The following FRMD5 variants were observed in gnomAD, a reference collection of about 807,000 sequenced individuals.
FRMD5 encodes FERM domain containing 5, also known as FERM domain-containing protein 5.
In FRMD5, 20 loss-of-function variants were observed where a neutral mutation model predicts 69.0. The observed-to-expected ratio is 0.29, with a 90% CI of 0.20 to 0.42. FRMD5 has a LOEUF of 0.42. FRMD5 is among the 10% of genes least tolerant of loss of function. FRMD5 has a pLI of 1.00. For missense variants in FRMD5, 595 were observed against 708.6 expected (o/e 0.84, Z 1.82); for synonymous variants, 271 against 260.1 (o/e 1.04, Z -0.40).
At chr15:44,056,616 G>C (rs1486688080) in intron 1 of FRMD5, among the ~76,000 whole-genome samples, 1 of 152,050 alleles carries the variant, frequency 6.6e-6, no homozygotes, top group Non-Finnish European at 1.5e-5. Flanking sequence ...AGCCATAGCA[G>C]TGTGAAAAAA....
chr15:44,085,323 C>T (rs1894153045), intron 1 of FRMD5, among the ~76,000 whole-genome samples: 2 of 152,102 alleles, frequency 1.3e-5, no homozygotes, highest in Non-Finnish European at 2.9e-5. Context: ...ATAAAAAAGA[C>T]TTATTTCTGT....
intron 1 of FRMD5, among the ~76,000 whole-genome samples, chr15:43,994,763 T>C (rs1343021954): frequency 6.6e-6 from 1 of 152,246 alleles, no homozygotes; most frequent in East Asian, 1.9e-4. Flanking sequence ...TGCCTAACCT[T>C]CATGCTAAAG....
Position 43,871,002 on chromosome 15 carries a change from A to T in FRMD5, c.*2883T>A, listed in dbSNP as rs2088147279. On this transcript the variant is annotated 3_prime_UTR_variant, in exon 14 of 14. Transcript: ENST00000417257. ...ATGCAGTATGCTATTCTTTAGTAAGAGTTTTATTTCCTGATAGATGAAGCT... is the reference window on the plus strand; with the variant it reads ...ATGCAGTATGCTATTCTTTAGTAAGTGTTTTATTTCCTGATAGATGAAGCT... The T allele has an allele frequency of 6.6e-6, 1 of 152,136 alleles. No individual in the cohort carries two copies. Among genetic ancestry groups the T allele is most frequent in the Non-Finnish European group, 1.5e-5 (1 of 68,030 alleles). 9.4% of individuals were successfully genotyped at this position (152,136 alleles called of 1,614,324 possible). A position where few individuals can be genotyped will look rare whatever the true frequency, so the allele number is the denominator to read the frequency against.
intron 1 of FRMD5, among the ~76,000 whole-genome samples, chr15:44,156,522 A>T (rs1374291932): frequency 6.6e-6 from 1 of 152,208 alleles, no homozygotes; most frequent in East Asian, 1.9e-4. Flanking sequence ...ATTTTTTAGT[A>T]GCTTTTAGTA....
chr15:44,102,147 G>C (rs998538490), intron 1 of FRMD5, among the ~76,000 whole-genome samples: 1 of 152,204 alleles, frequency 6.6e-6, no homozygotes, highest in African/African-American at 2.4e-5. Flanking sequence ...ACCAGATGCA[G>C]TTGATCATGC....
chr15:44,108,384 C>T (rs1268531847), intron 1 of FRMD5, among the ~76,000 whole-genome samples: 3 of 152,172 alleles, frequency 2.0e-5, no homozygotes, highest in Non-Finnish European at 4.4e-5. Context: ...GTGGCTCATG[C>T]CTGTAATCCC....
intron 1 of FRMD5, among the ~76,000 whole-genome samples, chr15:44,109,498 C>A (rs1243524971): frequency 6.6e-6 from 1 of 151,348 alleles, no homozygotes; most frequent in Non-Finnish European, 1.5e-5. Context: ...TTTTTAAGAG[C>A]AATTTGGGGT....
chr15:44,123,254 AG>A (rs2076980344), intron 1 of FRMD5, among the ~76,000 whole-genome samples: 1 of 151,884 alleles, frequency 6.6e-6, no homozygotes, highest in African/African-American at 2.4e-5. Flanking sequence ...CTGAGACAGG[AG>A]AATCACTTGA....
At chr15:43,904,130 G>T (rs1024761694) in intron 6 of FRMD5, among the ~76,000 whole-genome samples, 3 of 152,174 alleles carry the variant, frequency 2.0e-5, no homozygotes, top group Non-Finnish European at 2.9e-5. Context: ...GGGCAGAGGG[G>T]TCTGTTTACA....
chr15:43,884,787 A>C lies in FRMD5; in HGVS notation c.968T>G (p.Val323Gly). 1 of 1,613,986 alleles carries C rather than the reference A, an allele frequency of 6.2e-7. No homozygotes were observed. Among genetic ancestry groups the C allele is most frequent in the Admixed American group, 1.7e-5 (1 of 60,006 alleles). ...KGSRFRYSGRVAKEVMESSAK... is the reference protein window; with the variant it reads ...KGSRFRYSGRGAKEVMESSAK... ...ACTTGATTCCATGACTTCCTTTGCA[A>C]CTCGGCCACTGTAAGTAGTGTAATA... Residue 323 changes from valine to glycine, a missense_variant, in exon 12 of 14, where the codon GTT (valine) becomes GGT (glycine). Around this residue, in one of 5 missense-constraint regions of FRMD5, gnomAD observed 176 missense variants for 266.3 expected, o/e 0.66. Coordinates refer to ENST00000417257, the MANE Select transcript of FRMD5 (RefSeq NM_032892.5).
intron 1 of FRMD5, among the ~76,000 whole-genome samples, chr15:43,963,227 C>T (rs1229877860): frequency 2.6e-5 from 4 of 152,044 alleles, no homozygotes; most frequent in Admixed American, 2.0e-4. Context: ...ACAAACAACC[C>T]CATCAAAAAG....
In FRMD5 at chr15:43,871,937, G is replaced by A. The variant is rs983611071; in HGVS notation, c.*1948C>T. On this transcript the variant is annotated 3_prime_UTR_variant, in exon 14 of 14. Transcript: ENST00000417257. ...AAACAGAGCTGACTGACCCTCTTCTGCTAACATACTGGTAAGGATCAGTTT... is the reference window on the plus strand; with the variant it reads ...AAACAGAGCTGACTGACCCTCTTCTACTAACATACTGGTAAGGATCAGTTT... 5 of 152,320 alleles carry A rather than the reference G, an allele frequency of 3.3e-5. No individual in the cohort carries two copies. Among genetic ancestry groups the A allele is most frequent in the African/African-American group, 1.2e-4 (5 of 41,572 alleles). 9.4% of individuals were successfully genotyped at this position (152,320 alleles called of 1,614,324 possible). A position where few individuals can be genotyped will look rare whatever the true frequency, so the allele number is the denominator to read the frequency against.
chr15:43,913,033 CAAAA>C (rs1242970072), intron 4 of FRMD5, among the ~76,000 whole-genome samples: 2 of 87,110 alleles, frequency 2.3e-5, no homozygotes, highest in Admixed American at 1.2e-4. Flanking sequence ...AACTCCATCT[CAAAA>C]AAAAAAAAAA....
At chr15:44,148,852 A>T (rs998213450) in intron 1 of FRMD5, among the ~76,000 whole-genome samples, 1 of 152,236 alleles carries the variant, frequency 6.6e-6, no homozygotes, top group East Asian at 1.9e-4. Context: ...AACCAAATCC[A>T]CAATATCTCA....
At chr15:43,919,077 TATC>T (rs749231973) in intron 4 of FRMD5, 14 of 334,300 alleles carry the variant, frequency 4.2e-5, no homozygotes, top group Non-Finnish European at 7.8e-5. Flanking sequence ...TTTCCAAGTA[TATC>T]CATTAGACCA....
intron 1 of FRMD5, among the ~76,000 whole-genome samples, chr15:43,956,255 A>C (rs538223362): frequency 1.3e-5 from 2 of 152,332 alleles, no homozygotes; most frequent in African/African-American, 4.8e-5. Flanking sequence ...TAAGTCAAGG[A>C]ACTTAATCTT....
chr15:44,059,614 C>T (rs185912154), intron 1 of FRMD5, among the ~76,000 whole-genome samples: 24 of 152,198 alleles, frequency 1.6e-4, no homozygotes, highest in African/African-American at 5.3e-4. Flanking sequence ...TGGGTTCAAA[C>T]GATTCTCCTG....
At chr15:44,049,680 T>G (rs1892573782) in intron 1 of FRMD5, among the ~76,000 whole-genome samples, 1 of 152,222 alleles carries the variant, frequency 6.6e-6, no homozygotes, top group Non-Finnish European at 1.5e-5. Flanking sequence ...CATCTCCATT[T>G]GCATTTAAAA....
At chr15:44,188,817 G>A (rs1280782733) in intron 1 of FRMD5, among the ~76,000 whole-genome samples, 10 of 152,072 alleles carry the variant, frequency 6.6e-5, no homozygotes, top group Admixed American at 6.6e-4. Flanking sequence ...GTGGTTGTCT[G>A]AGGCTTTGAA....
Sources: gnomAD v4.1 joint callset for allele counts (sites outside exome capture counted in the v4.1 genomes callset) on GRCh38, gnomAD v4.1.1 for gene constraint, gnomAD v4.1.1 regional missense constraint, MANE v1.5 for transcripts, NCBI Gene and HGNC (gene_info 2026-07-23, HGNC 2026-07-21) for gene names.